Variants in ZC3H7A observed in about 807,000 individuals in gnomAD.
The protein encoded by ZC3H7A is zinc finger CCCH-type containing 7A, also known as zinc finger CCCH domain-containing protein 7A.
In ZC3H7A, 44 loss-of-function variants were observed where a neutral mutation model predicts 125.5. The observed-to-expected ratio is 0.35, with a 90% CI of 0.28 to 0.45. ZC3H7A has a LOEUF of 0.45. Ranked by LOEUF, ZC3H7A falls within the 20% of genes least tolerant of loss-of-function variation. The pLI is 1.00. For missense variants in ZC3H7A, 977 were observed against 1,170.7 expected (o/e 0.83, Z 2.41); for synonymous variants, 399 against 391.2 (o/e 1.02, Z -0.23).
intron 4 of ZC3H7A, among the ~76,000 whole-genome samples, chr16:11,777,417 A>G (rs926310198): frequency 2.0e-5 from 3 of 152,120 alleles, no homozygotes; most frequent in Non-Finnish European, 2.9e-5. Flanking sequence ...GAGTATCCAC[A>G]GTGAAAATTA....
chr16:11,779,144 C>G lies in ZC3H7A; in HGVS notation c.306+22G>C, dbSNP rs375142326. ...AAAATTCTTTTCACTCTAGAAACAT[C>G]ATTTTAAAAATTACAACTCACCATA... On this transcript the variant is annotated intron_variant, in intron 4 of 22. Transcript: ENST00000355758. The G allele has an allele frequency of 3.9e-6, 6 of 1,550,418 alleles. No individual in the cohort carries two copies. The East Asian group carries it at 9.0e-5, about 23-fold the overall frequency.
chr16:11,779,025 T>G (rs552593033), intron 4 of ZC3H7A, 141 bp downstream of exon 4: 1 of 757,116 alleles, frequency 1.3e-6, no homozygotes, highest in South Asian at 2.0e-5. Flanking sequence ...CCAAAGCTAA[T>G]TTTTAAAAGC....
intron 1 of ZC3H7A, among the ~76,000 whole-genome samples, chr16:11,792,494 T>A (rs1388952930): frequency 6.6e-6 from 1 of 152,224 alleles, no homozygotes; most frequent in Non-Finnish European, 1.5e-5. Context: ...TGACCTTACA[T>A]GGTAACTTTA....
In ZC3H7A at chr16:11,765,565, C is replaced by A. The variant is rs905290819; in HGVS notation, c.1643G>T (p.Gly548Val). Residue 548 changes from glycine (G) to valine (V), a missense_variant, in exon 14 of 23, where the codon GGC becomes GTC. Coordinates refer to ENST00000355758, the MANE Select transcript of ZC3H7A (RefSeq NM_014153.4). The surrounding 1 kb of genome is among the most constrained non-coding windows in gnomAD (Gnocchi z 4.8). Reference protein sequence around the residue: ...KGAFSREAFFGGNGKINLTVF... With the variant: ...KGAFSREAFFVGNGKINLTVF... Reference sequence around the variant, plus strand: ...AGTAAGGTTAATCTTTCCATTGCCGCCAAAGAAAGCCTCCCGGCTGAATGC... The same window carrying A: ...AGTAAGGTTAATCTTTCCATTGCCGACAAAGAAAGCCTCCCGGCTGAATGC... 1.9e-6 allele frequency: 3 copies of A among 1,614,162 alleles called. No individual in the cohort carries two copies. Among genetic ancestry groups the A allele is most frequent in the Middle Eastern group, 1.6e-4 (1 of 6,062 alleles).
chr16:11,784,985 C>T (rs1029526449), intron 1 of ZC3H7A, among the ~76,000 whole-genome samples: 9 of 152,024 alleles, frequency 5.9e-5, no homozygotes, highest in African/African-American at 1.9e-4. Context: ...ATGGGGAAAC[C>T]CCATCTCTAC....
intron 2 of ZC3H7A, among the ~76,000 whole-genome samples, 187 bp from the exon 3 acceptor site, chr16:11,781,651 C>CATATATAT (rs3972315): frequency 1.4e-3 from 209 of 145,036 alleles, no homozygotes; most frequent in African/African-American, 3.8e-3. Flanking sequence ...AATACATATA[C>CATATATAT]ATATATATAT....
At chr16:11,782,052 G>A (rs1251313955) in intron 2 of ZC3H7A, among the ~76,000 whole-genome samples, 1 of 152,118 alleles carries the variant, frequency 6.6e-6, no homozygotes, top group Non-Finnish European at 1.5e-5. Flanking sequence ...TCAGTCTAAC[G>A]TTTTGGGGGA....
In ZC3H7A at chr16:11,767,442, A is replaced by G. The variant is rs762131222; in HGVS notation, c.1497T>C (p.Tyr499=). 3.1e-6 allele frequency: 5 copies of G among 1,596,700 alleles called. No individual in the cohort carries two copies. The highest frequency in any genetic ancestry group is 3.4e-6 in the Non-Finnish European group (4 of 1,166,242). The change falls in exon 13 of 23, where the codon TAT becomes TAC. Residue 499 remains tyrosine (Y), a synonymous_variant. Transcript: ENST00000355758. The part of the protein sequence containing the change: ...KIRPRPTKTN[Y]EGPYYICKDV... ...CTTTACATATATAATATGGTCCTTC[A>G]TAATTTGTTTTTGTTGGTCTTGGAC... is the stretch of plus-strand genomic sequence containing the variant.
At chr16:11,763,308 C>T in intron 16 of ZC3H7A, 170 bp downstream of exon 16, 5 of 510,208 alleles carry the variant, frequency 9.8e-6, no homozygotes, top group East Asian at 7.1e-5. Flanking sequence ...GGGATTTTGC[C>T]GTACTGGCCA....
intron 17 of ZC3H7A, 88 bp from the exon 18 acceptor site, chr16:11,762,131 C>A: frequency 7.5e-7 from 1 of 1,333,870 alleles, no homozygotes; most frequent in Admixed American, 2.8e-5. Context: ...GCATTTTTTT[C>A]ACAATAGTAT....
Position 11,751,144 on chromosome 16 carries a change from G to T in ZC3H7A, c.*173C>A. The T allele has an allele frequency of 1.6e-6, 1 of 611,302 alleles. No individual in the cohort carries two copies. Among genetic ancestry groups the T allele is most frequent in the South Asian group, 2.2e-5 (1 of 44,700 alleles). 37.9% of individuals were successfully genotyped at this position (611,302 alleles called of 1,614,324 possible). The stretch of plus-strand genomic sequence containing the variant: ...GATGCCAGTGGTTCCGTGAGAGCGT[G>T]GCCAGGCCTGTGAAACAGCCCATTT... On this transcript the variant is annotated 3_prime_UTR_variant, in exon 23 of 23. Transcript: ENST00000355758.
chr16:11,781,279 G>A, intron 3 of ZC3H7A, 146 bp downstream of exon 3: 1 of 677,374 alleles, frequency 1.5e-6, no homozygotes, highest in Non-Finnish European at 2.3e-6. Flanking sequence ...AGCTTTATTT[G>A]CAAAAAAATA....
intron 1 of ZC3H7A, among the ~76,000 whole-genome samples, chr16:11,788,663 G>C (rs1467072399): frequency 4.6e-5 from 7 of 151,010 alleles, no homozygotes; most frequent in Non-Finnish European, 1.0e-4. Flanking sequence ...GCCCAGGCTG[G>C]AGTGTAGTGG....
At chr16:11,784,119 G>C (rs915839752) in intron 1 of ZC3H7A, among the ~76,000 whole-genome samples, 2 of 152,118 alleles carry the variant, frequency 1.3e-5, no homozygotes, top group African/African-American at 2.4e-5. Flanking sequence ...AGTTTAAGAA[G>C]TCCATGACAC....
In ZC3H7A at chr16:11,756,226, A is replaced by G. The variant is rs2052646523; in HGVS notation, c.2562+11T>C. On this transcript the variant is annotated intron_variant, in intron 21 of 22. Coordinates refer to ENST00000355758, the MANE Select transcript of ZC3H7A (RefSeq NM_014153.4). ...TCGGCAAAGAGAGGGTAAATGACGC[A>G]CGGTACTCACTGTAACTTCAGCATA... 1 of 1,608,186 alleles carries G rather than the reference A, an allele frequency of 6.2e-7. No homozygotes were observed. Among genetic ancestry groups the G allele is most frequent in the South Asian group, 1.1e-5 (1 of 89,894 alleles).
At chr16:11,790,659 C>G (rs2053334739) in intron 1 of ZC3H7A, among the ~76,000 whole-genome samples, 1 of 152,088 alleles carries the variant, frequency 6.6e-6, no homozygotes, top group African/African-American at 2.4e-5. Flanking sequence ...TCTGCCTCAG[C>G]CTCCCGAGTA....
At chr16:11,768,180 T>C in intron 12 of ZC3H7A, 135 bp downstream of exon 12, 1 of 881,374 alleles carries the variant, frequency 1.1e-6, no homozygotes, top group South Asian at 4.1e-5. Flanking sequence ...CTGCTACTTG[T>C]TTAGGAAGAA....
rs776917937 is a variant in ZC3H7A, at chr16:11,767,563, T to C, written c.1376A>G (p.Asp459Gly). The change falls in exon 13 of 23, where the codon GAT becomes GGT. Residue 459 changes from aspartate to glycine, a missense_variant. Asp to Gly is a moderately conservative substitution (Grantham distance 94, BLOSUM62 -1). Transcript: ENST00000355758. ...CFVKSGPKLM[D>G]FTYHANIDHK... The stretch of plus-strand genomic sequence containing the variant: ...ATCTATGTTAGCATGGTAAGTGAAA[T>C]CCATTAACTTAGGGCCTGAAAAAGA... 6.3e-7 allele frequency: 1 copy of C among 1,584,218 alleles called. No homozygotes were observed. Among genetic ancestry groups the C allele is most frequent in the Admixed American group, 1.9e-5 (1 of 53,984 alleles).
At chr16:11,790,484 G>T (rs2053331578) in intron 1 of ZC3H7A, among the ~76,000 whole-genome samples, 1 of 152,068 alleles carries the variant, frequency 6.6e-6, no homozygotes, top group Admixed American at 6.6e-5. Flanking sequence ...TTTCCAATTT[G>T]ATGTCAATCT....
Sources: gnomAD v4.1 joint callset for allele counts (sites outside exome capture counted in the v4.1 genomes callset) on GRCh38, gnomAD v4.1.1 for gene constraint, Gnocchi (gnomAD v3.1) non-coding constraint, MANE v1.5 for transcripts, NCBI Gene and HGNC (gene_info 2026-07-23, HGNC 2026-07-21) for gene names.